ADAMTS12: variants seen among roughly 807,000 people sequenced by gnomAD.
The protein encoded by ADAMTS12 is A disintegrin and metalloproteinase with thrombospondin motifs 12.
In ADAMTS12, 118 loss-of-function variants were observed where a neutral mutation model predicts 167.8. The observed-to-expected ratio is 0.70, with a 90% CI of 0.61 to 0.82. The LOEUF (loss-of-function observed/expected upper bound fraction) is 0.82. Among genes scored for constraint, ADAMTS12 ranks in the 40% least tolerant of loss-of-function variants. The probability of loss-of-function intolerance (pLI) is 0.00; values close to 1 mark genes in which losing one functional copy is unlikely to be tolerated. For missense variants in ADAMTS12, 1,916 were observed against 1,998.8 expected (o/e 0.96, Z 0.79); for synonymous variants, 704 against 716.9 (o/e 0.98, Z 0.29).
intron 3 of ADAMTS12, 193 bp downstream of exon 3, chr5:33,751,211 G>T: frequency 1.5e-6 from 1 of 683,916 alleles, no homozygotes; most frequent in Non-Finnish European, 2.4e-6. Flanking sequence ...AAGTGAAAGG[G>T]TTTATACAAG....
intron 3 of ADAMTS12, among the ~76,000 whole-genome samples, chr5:33,742,440 T>C (rs1862590): frequency 0.87 from 132,477 of 152,084 alleles, 57,885 homozygotes; most frequent in Non-Finnish European, 0.89. Flanking sequence ...TGGCATCAAT[T>C]GAGCTGTGGG....
intron 19 of ADAMTS12, among the ~76,000 whole-genome samples, chr5:33,571,275 T>C (rs573880318): frequency 1.0e-3 from 156 of 151,998 alleles, no homozygotes; most frequent in African/African-American, 3.4e-3. Context: ...CTCTCCACCC[T>C]AAATCAACAG....
At chr5:33,659,460 G>A (rs934432941) in intron 6 of ADAMTS12, among the ~76,000 whole-genome samples, 4 of 152,172 alleles carry the variant, frequency 2.6e-5, no homozygotes, top group Non-Finnish European at 4.4e-5. Flanking sequence ...AAAAGTCCAG[G>A]TCTGTGTGAA....
intron 3 of ADAMTS12, among the ~76,000 whole-genome samples, chr5:33,731,562 AG>A (rs1387883798): frequency 2.0e-5 from 3 of 152,240 alleles, no homozygotes; most frequent in Non-Finnish European, 2.9e-5. Flanking sequence ...CTCCACAGGA[AG>A]GGCCAGTTGT....
intron 2 of ADAMTS12, among the ~76,000 whole-genome samples, chr5:33,853,029 C>T (rs750545968): frequency 6.6e-6 from 1 of 152,184 alleles, no homozygotes; most frequent in East Asian, 1.9e-4. Flanking sequence ...CTACCCCTGC[C>T]GTCCCCAGGG....
chr5:33,601,159 C>T (rs1020569237), intron 16 of ADAMTS12, among the ~76,000 whole-genome samples: 1 of 149,586 alleles, frequency 6.7e-6, no homozygotes, highest in African/African-American at 2.5e-5. Flanking sequence ...ATCACAACAT[C>T]GACAGCACCA....
intron 18 of ADAMTS12, among the ~76,000 whole-genome samples, chr5:33,578,245 G>A (rs535447818): frequency 1.3e-5 from 2 of 152,192 alleles, no homozygotes; most frequent in South Asian, 4.2e-4. Context: ...GATTTCAAAG[G>A]GCTGCGCAAA....
intron 12 of ADAMTS12, among the ~76,000 whole-genome samples, chr5:33,631,346 G>A (rs1013560662): frequency 6.6e-6 from 1 of 152,200 alleles, no homozygotes; most frequent in Admixed American, 6.5e-5. Context: ...ACCTCCAGGG[G>A]ACAGGCATCC....
intron 3 of ADAMTS12, among the ~76,000 whole-genome samples, chr5:33,728,323 T>C (rs1186737061): frequency 5.9e-5 from 9 of 152,176 alleles, no homozygotes; most frequent in Non-Finnish European, 1.3e-4. Flanking sequence ...GTCAGAGCAT[T>C]GGACACGAAA....
intron 13 of ADAMTS12, among the ~76,000 whole-genome samples, chr5:33,627,964 T>C (rs1579770977): frequency 6.6e-6 from 1 of 152,010 alleles, no homozygotes; most frequent in Non-Finnish European, 1.5e-5. Flanking sequence ...ATGCATAACG[T>C]TGAATTTTTA....
chr5:33,769,689 G>A lies in ADAMTS12; in HGVS notation c.490-18141C>T, dbSNP rs116342714. ...TGGGAAGAAAAATCACAACTAGAAA[G>A]GCTTAAGGTATTTTGTTGATTTGGG... is the stretch of plus-strand genomic sequence containing the variant. On this transcript the variant is annotated intron_variant, in intron 2 of 23. Transcript: ENST00000504830. Among the ~76,000 whole-genome samples the A allele has an allele frequency of 7.9e-3, 1,204 of 152,268 alleles. 17 individuals are homozygous for A. The highest frequency in any genetic ancestry group is 0.028 in the African/African-American group (1,154 of 41,558).
chr5:33,603,013 G>A (rs1450601140), intron 16 of ADAMTS12, among the ~76,000 whole-genome samples: 2 of 152,154 alleles, frequency 1.3e-5, no homozygotes, highest in African/African-American at 4.8e-5. Context: ...AAAGGAAAAG[G>A]AGAAGCCCAG....
At position 33,616,062 on chromosome 5, in the gene ADAMTS12, G is replaced by C. The variant is rs1331450009; in HGVS notation, c.2154C>G (p.Asp718Glu). The C allele has an allele frequency of 6.2e-7, 1 of 1,613,928 alleles. No homozygotes were observed. The highest frequency in any genetic ancestry group is 8.5e-7 in the Non-Finnish European group (1 of 1,179,982). Residue 718 changes from aspartate (D) to glutamate (E), a missense_variant, in exon 15 of 24, where the codon GAC (aspartate) becomes GAG (glutamate). Asp to Glu is a conservative substitution (Grantham distance 45). Transcript: ENST00000504830. ...FKQKEGSGYV[D>E]IGLIPKGARD... ...TTGCTCCTTTTGGAATGAGCCCAATGTCAACATAACCTAAAGAGAGAAGAC... is the reference window on the plus strand; with the variant it reads ...TTGCTCCTTTTGGAATGAGCCCAATCTCAACATAACCTAAAGAGAGAAGAC...
chr5:33,779,575 C>T (rs559010489), intron 2 of ADAMTS12, among the ~76,000 whole-genome samples: 2 of 152,214 alleles, frequency 1.3e-5, no homozygotes, highest in South Asian at 4.2e-4. Flanking sequence ...ACCTAAGTGC[C>T]CATCAACAGA....
intron 11 of ADAMTS12, among the ~76,000 whole-genome samples, 168 bp downstream of exon 11, chr5:33,641,642 C>CT (rs992806658): frequency 1.3e-5 from 2 of 152,168 alleles, no homozygotes; most frequent in African/African-American, 4.8e-5. Flanking sequence ...AACAGAACCA[C>CT]TTTTTTTCCC....
intron 17 of ADAMTS12, among the ~76,000 whole-genome samples, chr5:33,593,149 C>T (rs946658418): frequency 3.3e-5 from 5 of 152,018 alleles, no homozygotes; most frequent in East Asian, 1.9e-4. Flanking sequence ...TGGTGGTGTG[C>T]GCCTGTAATC....
intron 3 of ADAMTS12, among the ~76,000 whole-genome samples, chr5:33,740,359 A>T (rs2112369930): frequency 6.6e-6 from 1 of 152,322 alleles, no homozygotes; most frequent in East Asian, 1.9e-4. Flanking sequence ...TCCCGGGGCC[A>T]GCTACATAAT....
At chr5:33,553,250 C>T (rs964233077) in intron 20 of ADAMTS12, among the ~76,000 whole-genome samples, 1 of 152,140 alleles carries the variant, frequency 6.6e-6, no homozygotes, top group Non-Finnish European at 1.5e-5. Flanking sequence ...AAAAGGAATG[C>T]TTATATACTG....
At chr5:33,543,891 C>A (rs1351132575) in intron 22 of ADAMTS12, among the ~76,000 whole-genome samples, 1 of 152,042 alleles carries the variant, frequency 6.6e-6, no homozygotes, top group Non-Finnish European at 1.5e-5. Context: ...TATGACAAAC[C>A]CACAGCCAAT....
Sources: allele counts gnomAD v4.1 joint callset (sites outside exome capture counted in the v4.1 genomes callset), GRCh38; gene constraint gnomAD v4.1.1; transcripts MANE v1.5; gene names NCBI Gene and HGNC (gene_info 2026-07-23, HGNC 2026-07-21).